Variants in MIER1 observed in about 807,000 individuals in gnomAD.
MIER1 encodes the protein mesoderm induction early response protein 1.
Under a neutral mutation model 75.7 loss-of-function variants are expected in MIER1, and 40 were observed. The observed-to-expected ratio is 0.53, with a 90% confidence interval of 0.41 to 0.69. The LOEUF (loss-of-function observed/expected upper bound fraction) is 0.69, where lower values mean the gene tolerates loss of function less well. Ranked by LOEUF, MIER1 falls within the 30% of genes least tolerant of loss-of-function variation. The pLI is 0.00. For synonymous variants in MIER1, 213 were observed against 223.4 expected, an observed-to-expected ratio of 0.95 and a Z score of 0.42; for missense variants, 574 against 680.2, an observed-to-expected ratio of 0.84 and a Z score of 1.74.
intron 10 of MIER1, among the ~76,000 whole-genome samples, chr1:66,972,357 G>T (rs1383125609): frequency 6.6e-6 from 1 of 150,958 alleles, no homozygotes; most frequent in Admixed American, 6.6e-5. Flanking sequence ...TTCCCCTCGT[G>T]GTGCTTAGAG....
intron 8 of MIER1, among the ~76,000 whole-genome samples, chr1:66,964,602 G>C (rs528155328): frequency 6.6e-6 from 1 of 150,912 alleles, no homozygotes; most frequent in Non-Finnish European, 1.5e-5. Flanking sequence ...ACAGGCATGC[G>C]CCACCACGCC....
At chr1:66,958,280 C>T (rs1660567444) in intron 5 of MIER1, 60 bp downstream of exon 5, 3 of 1,194,106 alleles carry the variant, frequency 2.5e-6, no homozygotes, top group South Asian at 2.1e-5. Flanking sequence ...GTTAAAATTG[C>T]TTAATATATT....
chr1:66,952,127 A>G (rs748875001), intron 4 of MIER1, among the ~76,000 whole-genome samples: 1 of 152,234 alleles, frequency 6.6e-6, no homozygotes, highest in African/African-American at 2.4e-5. Flanking sequence ...CTATAACTGA[A>G]AATGTACAAC....
intron 2 of MIER1, among the ~76,000 whole-genome samples, chr1:66,935,393 C>T (rs1654539386): frequency 6.6e-6 from 1 of 152,148 alleles, no homozygotes; most frequent in South Asian, 2.1e-4. Context: ...ACTCTGTGTA[C>T]AGTCTTTCTG....
chr1:66,959,787 T>A, intron 7 of MIER1, 44 bp downstream of exon 7: 1 of 998,902 alleles, frequency 1.0e-6, no homozygotes, highest in Non-Finnish European at 1.4e-6. Flanking sequence ...AAATTAATAT[T>A]TTTTTAAAAA....
At chr1:66,969,550 A>C (rs1323005764) in intron 8 of MIER1, among the ~76,000 whole-genome samples, 1 of 90,038 alleles carries the variant, frequency 1.1e-5, no homozygotes, top group South Asian at 2.7e-4. Flanking sequence ...GTCTCCAAAA[A>C]AAAAAAAAAA....
intron 3 of MIER1, 57 bp from the exon 4 acceptor site, chr1:66,946,087 CATTAAT>C (rs1376124033): frequency 8.2e-6 from 12 of 1,456,082 alleles, no homozygotes; most frequent in Non-Finnish European, 1.1e-5. Flanking sequence ...AAAATATATA[CATTAAT>C]ATTAATAAGA....
At chr1:66,959,433 GT>G (rs1218033417) in intron 6 of MIER1, among the ~76,000 whole-genome samples, 2 of 151,912 alleles carry the variant, frequency 1.3e-5, no homozygotes, top group African/African-American at 4.8e-5. Context: ...TTCTAAATCA[GT>G]TTTTTCCCCT....
At position 66,925,096 on chromosome 1, in the gene MIER1, G is replaced by T; in HGVS notation, c.67+1G>T. 1 of 1,547,996 alleles carries T rather than the reference G, an allele frequency of 6.5e-7. No individual in the cohort carries two copies. The highest frequency in any genetic ancestry group is 8.7e-7 in the Non-Finnish European group (1 of 1,146,000). ...GGCGGCGGCAGCAGCGGCAGCGGCT[G>T]TAAGTGCAGCCTCCACAAGCCATCT... On this transcript the variant is annotated splice_donor_variant, in intron 1 of 13. Transcript: ENST00000401041. LOFTEE classifies it high-confidence loss of function.
intron 4 of MIER1, among the ~76,000 whole-genome samples, chr1:66,954,441 C>T (rs879179813): frequency 6.6e-6 from 1 of 152,102 alleles, no homozygotes; most frequent in Admixed American, 6.5e-5. Context: ...TGAAATGATA[C>T]TTTGTTTTTA....
chr1:66,925,015 C>T lies in MIER1; in HGVS notation c.-14C>T. On this transcript the variant is annotated 5_prime_UTR_variant, in exon 1 of 14. Coordinates refer to ENST00000401041, the MANE Select transcript of MIER1 (RefSeq NM_001077700.3). ...AGGCCCCTCCCAGGCTCTGAGTCTCCCGGCTGCAGGCGGATGGATGGGGCT... is the reference window on the plus strand; with the variant it reads ...AGGCCCCTCCCAGGCTCTGAGTCTCTCGGCTGCAGGCGGATGGATGGGGCT... 2 of 1,545,778 alleles carry T rather than the reference C, an allele frequency of 1.3e-6. No individual in the cohort carries two copies. The highest frequency in any genetic ancestry group is 2.4e-5 in the East Asian group (1 of 40,976).
intron 12 of MIER1, among the ~76,000 whole-genome samples, chr1:66,981,193 G>C (rs1290559328): frequency 1.3e-5 from 2 of 152,166 alleles, no homozygotes; most frequent in Non-Finnish European, 2.9e-5. Context: ...CAGTTACGTA[G>C]TTCAGGAATG....
chr1:66,971,047 C>A, intron 9 of MIER1, 88 bp downstream of exon 9: 1 of 1,267,908 alleles, frequency 7.9e-7, no homozygotes, highest in Non-Finnish European at 1.1e-6. Flanking sequence ...TTCTGTCCAC[C>A]AAACTTTTTA....
intron 7 of MIER1, among the ~76,000 whole-genome samples, chr1:66,960,436 A>G (rs189874453): frequency 2.7e-4 from 41 of 152,328 alleles, no homozygotes; most frequent in African/African-American, 9.4e-4. Context: ...ATTATATAGC[A>G]TATAATTAAT....
chr1:66,974,408 C>T (rs931714587), intron 11 of MIER1, among the ~76,000 whole-genome samples: 24 of 151,486 alleles, frequency 1.6e-4, no homozygotes, highest in African/African-American at 5.6e-4. Context: ...TTGAAAGGGA[C>T]AACATTTTTG....
intron 2 of MIER1, among the ~76,000 whole-genome samples, chr1:66,930,074 C>T (rs902977877): frequency 1.3e-5 from 2 of 151,950 alleles, no homozygotes; most frequent in African/African-American, 2.4e-5. Flanking sequence ...TTGCCCACCT[C>T]CTCCCACACC....
chr1:66,950,667 A>G (rs1658708933), intron 4 of MIER1, among the ~76,000 whole-genome samples: 1 of 151,738 alleles, frequency 6.6e-6, no homozygotes, highest in Admixed American at 6.6e-5. Flanking sequence ...AAAATGTGTG[A>G]TTAAAATGTG....
chr1:66,939,068 T>G (rs925066641), intron 2 of MIER1, among the ~76,000 whole-genome samples: 1 of 152,198 alleles, frequency 6.6e-6, no homozygotes, highest in Non-Finnish European at 1.5e-5. Flanking sequence ...AAGATCCCTA[T>G]CTTTCCTTTG....
At chr1:66,940,230 TA>T in intron 3 of MIER1, 178 bp downstream of exon 3, 1 of 415,392 alleles carries the variant, frequency 2.4e-6, no homozygotes. Context: ...CAGGTGAGGC[TA>T]CTGTGATTTC....
Sources: gnomAD v4.1 joint callset for allele counts (sites outside exome capture counted in the v4.1 genomes callset) on GRCh38, gnomAD v4.1.1 for gene constraint, MANE v1.5 for transcripts, NCBI Gene and HGNC (gene_info 2026-07-23, HGNC 2026-07-21) for gene names.